The following ANO10 variants were observed in gnomAD, a reference collection of about 807,000 sequenced individuals.
The protein encoded by ANO10 is anoctamin-10.
A neutral mutation model predicts 74.7 loss-of-function variants in ANO10; 77 were observed. That is an observed-to-expected ratio of 1.03 (90% confidence interval 0.86 to 1.25). The LOEUF is 1.25. Ranked by LOEUF, ANO10 falls within the 50% of genes most tolerant of loss-of-function variation. The probability of loss-of-function intolerance (pLI) is 0.00; values close to 1 mark genes in which losing one functional copy is unlikely to be tolerated. For missense variants in ANO10, 721 were observed against 778.1 expected (o/e 0.93, Z 0.87); for synonymous variants, 279 against 284.9 (o/e 0.98, Z 0.21).
chr3:43,483,546 C>A (rs1471692694), intron 11 of ANO10, among the ~76,000 whole-genome samples: 2 of 152,104 alleles, frequency 1.3e-5, no homozygotes, highest in Non-Finnish European at 2.9e-5. Flanking sequence ...TCAAAAGATT[C>A]GTAAGTCAAC....
intron 11 of ANO10, among the ~76,000 whole-genome samples, chr3:43,492,716 G>A (rs1439851154): frequency 6.6e-6 from 1 of 152,162 alleles, no homozygotes; most frequent in East Asian, 1.9e-4. Context: ...TTAGAGAAAT[G>A]CAAATCAAAA....
intron 7 of ANO10, among the ~76,000 whole-genome samples, chr3:43,568,118 C>T (rs1312432437): frequency 2.0e-5 from 3 of 151,924 alleles, no homozygotes; most frequent in East Asian, 3.9e-4. Flanking sequence ...GGGATCAATT[C>T]GACAAGAAGA....
intron 11 of ANO10, among the ~76,000 whole-genome samples, chr3:43,536,352 A>G (rs1317806607): frequency 6.6e-6 from 1 of 152,226 alleles, no homozygotes; most frequent in Non-Finnish European, 1.5e-5. Flanking sequence ...TGATGATTCT[A>G]GAAGCACATG....
At chr3:43,452,704 A>G (rs1338328653) in intron 11 of ANO10, among the ~76,000 whole-genome samples, 21 of 152,194 alleles carry the variant, frequency 1.4e-4, no homozygotes, top group Admixed American at 1.4e-3. Context: ...TAGGAGTGGA[A>G]CTGCTGGATC....
chr3:43,508,714 T>G (rs575319870), intron 11 of ANO10, among the ~76,000 whole-genome samples: 2 of 151,512 alleles, frequency 1.3e-5, no homozygotes, highest in South Asian at 4.2e-4. Context: ...AAACACCGCA[T>G]GTTCTCACTC....
Position 43,691,080 on chromosome 3 carries a change from G to C in ANO10, c.-12+437C>G, listed in dbSNP as rs376177401. 32 of 1,507,222 alleles carry C rather than the reference G, an allele frequency of 2.1e-5. No homozygotes were observed. In the African/African-American group the frequency reaches 2.4e-4, roughly 12 times the overall value. The allele number at this position is 1,507,222 out of a possible 1,614,324, so 93.4% of individuals were successfully genotyped here. On this transcript the variant is annotated intron_variant, in intron 1 of 3. Transcript: ENST00000413397. ...AGGGGGCTTCGTGTGTCTCCGGCGC[G>C]CACCCTCCGCGCGGGCCGGGTTAGG...
At chr3:43,591,848 C>A (rs2081781323) in intron 4 of ANO10, among the ~76,000 whole-genome samples, 1 of 152,216 alleles carries the variant, frequency 6.6e-6, no homozygotes, top group Non-Finnish European at 1.5e-5. Context: ...CCTTTCCTAG[C>A]CAAGGGAAGC....
At chr3:43,596,740 A>G (rs2082105949) in intron 4 of ANO10, among the ~76,000 whole-genome samples, 2 of 152,242 alleles carry the variant, frequency 1.3e-5, no homozygotes, top group African/African-American at 2.4e-5. Context: ...AAGCAATGGC[A>G]ACAAAAGCCA....
chr3:43,688,681 A>C (rs557133900), intron 1 of ANO10, among the ~76,000 whole-genome samples: 120 of 151,988 alleles, frequency 7.9e-4, no homozygotes, highest in African/African-American at 2.9e-3. Flanking sequence ...CATCTCTACT[A>C]AAAATACAAA....
intron 11 of ANO10, among the ~76,000 whole-genome samples, chr3:43,520,137 C>A (rs1482856199): frequency 6.6e-6 from 1 of 152,120 alleles, no homozygotes; most frequent in South Asian, 2.1e-4. Flanking sequence ...GTTATATGTG[C>A]CCCTTCCTGG....
chr3:43,605,989 G>T, intron 1 of ANO10, 126 bp from the exon 2 acceptor site: 1 of 1,005,450 alleles, frequency 9.9e-7, no homozygotes, highest in Non-Finnish European at 1.5e-6. Context: ...AATTTCTCGT[G>T]ATTCAGATGG....
intron 12 of ANO10, among the ~76,000 whole-genome samples, chr3:43,415,095 C>T (rs910790389): frequency 1.3e-5 from 2 of 150,856 alleles, no homozygotes; most frequent in African/African-American, 4.9e-5. Flanking sequence ...GTTCCTGAGC[C>T]TCCTGAGTAG....
intron 1 of ANO10, among the ~76,000 whole-genome samples, chr3:43,685,818 A>C (rs1311223137): frequency 6.6e-6 from 1 of 152,204 alleles, no homozygotes; most frequent in Non-Finnish European, 1.5e-5. Context: ...TATTTTTTAA[A>C]ATATATTGAA....
intron 11 of ANO10, among the ~76,000 whole-genome samples, chr3:43,535,464 C>T (rs936076860): frequency 1.3e-5 from 2 of 151,640 alleles, no homozygotes; most frequent in Admixed American, 6.6e-5. Context: ...TTAGTAGAGA[C>T]GGGATTTCAA....
intron 11 of ANO10, among the ~76,000 whole-genome samples, chr3:43,532,993 A>G (rs1483242006): frequency 6.6e-6 from 1 of 152,240 alleles, no homozygotes; most frequent in South Asian, 2.1e-4. Flanking sequence ...TGGCAAAGCC[A>G]GGACCTAAAT....
At chr3:43,383,930 AAGAG>A (rs1194179569) in intron 12 of ANO10, among the ~76,000 whole-genome samples, 2 of 152,206 alleles carry the variant, frequency 1.3e-5, no homozygotes, top group Non-Finnish European at 2.9e-5. Flanking sequence ...GCAATCAGAC[AAGAG>A]AAAGAAAGAA....
At chr3:43,433,134 C>G (rs998799635) in intron 11 of ANO10, among the ~76,000 whole-genome samples, 8 of 151,204 alleles carry the variant, frequency 5.3e-5, no homozygotes, top group Non-Finnish European at 1.0e-4. Context: ...TTAGTAGAGA[C>G]GGGGGTTTCA....
chr3:43,603,718 A>G (rs1010429075), intron 2 of ANO10, among the ~76,000 whole-genome samples: 7 of 152,244 alleles, frequency 4.6e-5, no homozygotes, highest in African/African-American at 1.7e-4. Context: ...GATGGAGCTC[A>G]TCAAGGATGG....
intron 11 of ANO10, among the ~76,000 whole-genome samples, chr3:43,481,740 T>G (rs570815507): frequency 6.6e-6 from 1 of 152,190 alleles, no homozygotes; most frequent in South Asian, 2.1e-4. Flanking sequence ...TTTCATGTTT[T>G]TAGATAATAA....
Sources: allele counts gnomAD v4.1 joint callset (sites outside exome capture counted in the v4.1 genomes callset), GRCh38; gene constraint gnomAD v4.1.1; transcripts MANE v1.5; gene names NCBI Gene and HGNC (gene_info 2026-07-23, HGNC 2026-07-21).